PDZRN3: variants seen among roughly 807,000 people sequenced by gnomAD.
PDZRN3 encodes PDZ domain containing ring finger 3.
Under a neutral mutation model 85.7 loss-of-function variants are expected in PDZRN3, and 38 were observed. The observed-to-expected ratio is 0.44, with a 90% CI of 0.34 to 0.58. The LOEUF is 0.58. Among genes scored for constraint, PDZRN3 ranks in the 20% least tolerant of loss-of-function variants. The pLI, the probability that PDZRN3 is intolerant of heterozygous loss-of-function variation, is 0.01. For synonymous variants in PDZRN3, 759 were observed against 638.0 expected (o/e 1.19, Z -2.86); for missense variants, 1,629 against 1,506.4 (o/e 1.08, Z -1.35).
intron 3 of PDZRN3, among the ~76,000 whole-genome samples, chr3:73,531,301 T>C (rs562294003): frequency 1.0e-3 from 153 of 151,660 alleles, no homozygotes; most frequent in Non-Finnish European, 1.7e-3. Flanking sequence ...CCAAAAGGTG[T>C]TGGAAAATGA....
chr3:73,573,811 CTATACATATACATATACA>C (rs60904712), intron 3 of PDZRN3, among the ~76,000 whole-genome samples: 96,387 of 148,400 alleles, frequency 0.65, 31,513 homozygotes, highest in African/African-American at 0.7. Context: ...ACACATACAC[CTATACATATACATATACA>C]TATACATATA....
chr3:73,613,844 C>A (rs903667579), intron 1 of PDZRN3, among the ~76,000 whole-genome samples: 12 of 152,038 alleles, frequency 7.9e-5, no homozygotes, highest in Non-Finnish European at 1.3e-4. Context: ...CCAGCCCCCA[C>A]CCAAACCCAA....
intron 3 of PDZRN3, among the ~76,000 whole-genome samples, chr3:73,464,972 T>C (rs1376277167): frequency 1.3e-5 from 2 of 152,206 alleles, no homozygotes; most frequent in Non-Finnish European, 2.9e-5. Flanking sequence ...ATTCCTCTTA[T>C]TTAAGTGAAA....
intron 3 of PDZRN3, among the ~76,000 whole-genome samples, chr3:73,464,255 G>C (rs1384102581): frequency 6.6e-6 from 1 of 152,126 alleles, no homozygotes; most frequent in Non-Finnish European, 1.5e-5. Flanking sequence ...AAAGTGCTGG[G>C]ATTATAGGCG....
At chr3:73,496,499 A>T (rs951258436) in intron 3 of PDZRN3, among the ~76,000 whole-genome samples, 2 of 152,016 alleles carry the variant, frequency 1.3e-5, no homozygotes, top group Non-Finnish European at 2.9e-5. Context: ...TGTTTTTTTT[A>T]AAAGCAAATC....
At chr3:73,517,428 G>T (rs148876845) in intron 3 of PDZRN3, among the ~76,000 whole-genome samples, 12 of 152,124 alleles carry the variant, frequency 7.9e-5, no homozygotes, top group Admixed American at 2.0e-4. Flanking sequence ...TAATTATCGA[G>T]AGCTCTTTGG....
chr3:73,549,518 C>T (rs999766702), intron 3 of PDZRN3, among the ~76,000 whole-genome samples: 3 of 152,080 alleles, frequency 2.0e-5, no homozygotes, highest in Admixed American at 6.5e-5. Context: ...GACAAATGGA[C>T]GATGATGCAG....
chr3:73,403,610 G>C (rs947873212), intron 4 of PDZRN3, among the ~76,000 whole-genome samples: 1 of 152,176 alleles, frequency 6.6e-6, no homozygotes, highest in Non-Finnish European at 1.5e-5. Context: ...GAAATAAGTT[G>C]AGAGAAGAGG....
At chr3:73,391,605 C>T (rs1257883122) in intron 5 of PDZRN3, among the ~76,000 whole-genome samples, 2 of 152,166 alleles carry the variant, frequency 1.3e-5, no homozygotes, top group African/African-American at 2.4e-5. Context: ...AATGTGATAG[C>T]GTGCAATTAA....
chr3:73,513,508 A>G (rs1704204429), intron 3 of PDZRN3, among the ~76,000 whole-genome samples: 1 of 152,198 alleles, frequency 6.6e-6, no homozygotes, highest in African/African-American at 2.4e-5. Flanking sequence ...CCAGTTAAGA[A>G]GTTGTTTAAC....
chr3:73,524,645 T>G (rs1704478610), intron 3 of PDZRN3, among the ~76,000 whole-genome samples: 1 of 152,200 alleles, frequency 6.6e-6, no homozygotes, highest in Non-Finnish European at 1.5e-5. Context: ...AGAGATTTTT[T>G]TTTTCCTAGA....
At chr3:73,510,098 T>A (rs1704136800) in intron 3 of PDZRN3, among the ~76,000 whole-genome samples, 3 of 152,198 alleles carry the variant, frequency 2.0e-5, no homozygotes, top group African/African-American at 7.2e-5. Flanking sequence ...AGTATTTTGA[T>A]AATCAGGAAA....
At chr3:73,448,197 A>G (rs940773392) in intron 3 of PDZRN3, among the ~76,000 whole-genome samples, 15 of 152,310 alleles carry the variant, frequency 9.8e-5, no homozygotes, top group African/African-American at 3.6e-4. Flanking sequence ...ATCCCAGCTC[A>G]GCTTCTTTAG....
chr3:73,484,417 G>A (rs889842199), intron 3 of PDZRN3, among the ~76,000 whole-genome samples: 1 of 152,062 alleles, frequency 6.6e-6, no homozygotes, highest in African/African-American at 2.4e-5. Flanking sequence ...TTCCAATGGA[G>A]GGGGGTGGTT....
intron 3 of PDZRN3, chr3:73,408,166 G>T (rs887279026): frequency 4.3e-6 from 3 of 703,286 alleles, no homozygotes; most frequent in East Asian, 2.7e-5. Context: ...CAGAGGTGGA[G>T]TGTGCAGGGA....
intron 3 of PDZRN3, among the ~76,000 whole-genome samples, chr3:73,519,081 C>T (rs917471720): frequency 1.3e-5 from 2 of 152,200 alleles, no homozygotes; most frequent in African/African-American, 2.4e-5. Flanking sequence ...GAGACCACCT[C>T]GAAGGGAGAG....
chr3:73,482,802 C>T (rs751566389), intron 3 of PDZRN3, among the ~76,000 whole-genome samples: 1 of 152,306 alleles, frequency 6.6e-6, no homozygotes, highest in East Asian at 1.9e-4. Flanking sequence ...GGATCTTTAA[C>T]TTACACTGTT....
intron 3 of PDZRN3, among the ~76,000 whole-genome samples, chr3:73,440,734 C>T (rs1322546998): frequency 2.0e-5 from 3 of 152,188 alleles, no homozygotes; most frequent in Admixed American, 6.5e-5. Flanking sequence ...ACTGTGAGTT[C>T]GCACAGTGAG....
chr3:73,517,114 G>A lies in PDZRN3; in HGVS notation c.918+85240C>T, dbSNP rs764834933. ...CATCTGAAAGGAGGTGTGTGTGTGC[G>A]TTTACCCTATCACAGGTGGCCACAT... On this transcript the variant is annotated intron_variant, in intron 3 of 9. Transcript: ENST00000263666. Among the ~76,000 whole-genome samples the A allele has an allele frequency of 6.6e-5, 10 of 152,248 alleles. No individual in the cohort carries two copies. In the East Asian group the frequency reaches 7.7e-4, roughly 12 times the overall value.
Sources: allele counts gnomAD v4.1 joint callset (sites outside exome capture counted in the v4.1 genomes callset), GRCh38; gene constraint gnomAD v4.1.1; transcripts MANE v1.5; gene names NCBI Gene and HGNC (gene_info 2026-07-23, HGNC 2026-07-21).